Variants in AGBL1 observed in about 807,000 individuals in gnomAD.
AGBL1 encodes AGBL carboxypeptidase 1, also known as cytosolic carboxypeptidase 4.
Under a neutral mutation model 118.9 loss-of-function variants are expected in AGBL1, and 130 were observed. The observed-to-expected ratio is 1.09, with a 90% CI of 0.95 to 1.26. AGBL1 has a LOEUF of 1.26. Ranked by LOEUF, AGBL1 falls within the 50% of genes most tolerant of loss-of-function variation. The pLI, the probability that AGBL1 is intolerant of heterozygous loss-of-function variation, is 0.00. For synonymous variants in AGBL1, 555 were observed against 478.9 expected, an observed-to-expected ratio of 1.16 and a Z score of -2.08; for missense variants, 1,584 against 1,298.1, an observed-to-expected ratio of 1.22 and a Z score of -3.38.
At chr15:86,840,805 T>C (rs2079234560) in intron 22 of AGBL1, among the ~76,000 whole-genome samples, 1 of 152,124 alleles carries the variant, frequency 6.6e-6, no homozygotes, top group Non-Finnish European at 1.5e-5. Flanking sequence ...ATCTCTTGCT[T>C]CCTCTTTTCC....
At chr15:86,859,146 T>C (rs910224304) in intron 22 of AGBL1, among the ~76,000 whole-genome samples, 4 of 152,208 alleles carry the variant, frequency 2.6e-5, no homozygotes, top group South Asian at 4.1e-4. Context: ...AATTATTGCA[T>C]TGGAGAATGT....
chr15:87,012,846 A>G (rs1596740045), intron 24 of AGBL1, among the ~76,000 whole-genome samples: 1 of 152,210 alleles, frequency 6.6e-6, no homozygotes, highest in Non-Finnish European at 1.5e-5. Context: ...ACCTAGAGGG[A>G]GATGATTGCC....
At chr15:87,021,467 A>G (rs1413350181) in intron 24 of AGBL1, among the ~76,000 whole-genome samples, 1 of 151,634 alleles carries the variant, frequency 6.6e-6, no homozygotes, top group Non-Finnish European at 1.5e-5. Flanking sequence ...CACAAAAGCA[A>G]TTGCAACAGA....
intron 22 of AGBL1, among the ~76,000 whole-genome samples, chr15:86,795,451 A>G (rs2141338545): frequency 6.6e-6 from 1 of 151,766 alleles, no homozygotes. Flanking sequence ...GGGGAGCATG[A>G]CTCTGCAATT....
intron 21 of AGBL1, among the ~76,000 whole-genome samples, chr15:86,580,557 AT>A (rs1192868091): frequency 6.6e-6 from 1 of 151,902 alleles, no homozygotes; most frequent in Non-Finnish European, 1.5e-5. Flanking sequence ...TGGATCATTA[AT>A]TTTTTTCCTT....
intron 1 of AGBL1, among the ~76,000 whole-genome samples, chr15:86,120,018 C>T (rs547693293): frequency 6.6e-6 from 1 of 152,320 alleles, no homozygotes; most frequent in Admixed American, 6.5e-5. Context: ...ACTCATTCAT[C>T]TACTCATTCA....
chr15:86,515,589 G>T (rs1197660390), intron 18 of AGBL1, among the ~76,000 whole-genome samples: 3 of 152,040 alleles, frequency 2.0e-5, no homozygotes, highest in Admixed American at 2.0e-4. Flanking sequence ...TAAAATTTCA[G>T]ATTTTAAATA....
intron 5 of AGBL1, among the ~76,000 whole-genome samples, chr15:86,176,865 T>C (rs1306400222): frequency 6.6e-6 from 1 of 152,170 alleles, no homozygotes; most frequent in Non-Finnish European, 1.5e-5. Context: ...TGCAGGAGTC[T>C]GTGGGAATGT....
chr15:86,287,536 A>G (rs1205908111), intron 16 of AGBL1, among the ~76,000 whole-genome samples: 1 of 152,080 alleles, frequency 6.6e-6, no homozygotes, highest in East Asian at 1.9e-4. Context: ...TATATAAGGG[A>G]TCAATTCTCA....
intron 24 of AGBL1, among the ~76,000 whole-genome samples, chr15:87,028,200 T>C (rs924547076): frequency 2.6e-5 from 4 of 151,896 alleles, no homozygotes; most frequent in African/African-American, 9.7e-5. Context: ...TTCAATGCAG[T>C]AAGTTGTGAG....
chr15:86,783,282 T>C (rs2078359824), intron 22 of AGBL1, among the ~76,000 whole-genome samples: 1 of 152,242 alleles, frequency 6.6e-6, no homozygotes, highest in African/African-American at 2.4e-5. Context: ...TTCTGTTTTC[T>C]TTCTCATCTT....
chr15:86,245,479 T>TA (rs1175955718), intron 6 of AGBL1, among the ~76,000 whole-genome samples: 7 of 152,194 alleles, frequency 4.6e-5, no homozygotes, highest in African/African-American at 1.7e-4. Flanking sequence ...GCAATGTACC[T>TA]AGTCCCTAGG....
intron 23 of AGBL1, chr15:86,946,360 C>T (rs1190751646): frequency 5.9e-5 from 9 of 151,630 alleles, no homozygotes; most frequent in Non-Finnish European, 1.5e-5. Flanking sequence ...CTTCACTGAG[C>T]TTAAGGATAT....
intron 21 of AGBL1, among the ~76,000 whole-genome samples, chr15:86,653,984 TA>T (rs1047596428): frequency 6.6e-6 from 1 of 152,168 alleles, no homozygotes; most frequent in Non-Finnish European, 1.5e-5. Context: ...AGTAGTTTGA[TA>T]AAAAGCTTGC....
At chr15:86,128,191 C>T (rs981490880) in intron 1 of AGBL1, among the ~76,000 whole-genome samples, 2 of 151,980 alleles carry the variant, frequency 1.3e-5, no homozygotes, top group African/African-American at 4.8e-5. Context: ...CACAGTTCCA[C>T]ATGGCTGGGG....
At chr15:86,687,885 A>G (rs2086089424) in intron 22 of AGBL1, among the ~76,000 whole-genome samples, 1 of 152,150 alleles carries the variant, frequency 6.6e-6, no homozygotes, top group African/African-American at 2.4e-5. Flanking sequence ...CAGCCAGGTC[A>G]GTACAATCAC....
chr15:86,831,909 G>A lies in AGBL1; in HGVS notation c.3159-75178G>A, dbSNP rs2079109940. Among the ~76,000 whole-genome samples, 6 of 152,206 alleles carry A rather than the reference G, an allele frequency of 3.9e-5. No individual in the cohort carries two copies. The South Asian group carries it at 1.2e-3, about 31-fold the overall frequency. ...GATTCCACCCCTGTAGCACCCCTCT[G>A]CCTGGATATCCAGGTGTTTCCATAC... On this transcript the variant is annotated intron_variant, in intron 22 of 22. Coordinates refer to ENST00000614907, the MANE Select transcript of AGBL1 (RefSeq NM_001386094.1).
chr15:86,885,457 A>G (rs180882110), intron 22 of AGBL1, among the ~76,000 whole-genome samples: 61 of 152,288 alleles, frequency 4.0e-4, no homozygotes, highest in Non-Finnish European at 7.5e-4. Flanking sequence ...TTAAAATACC[A>G]TACGTTGATT....
downstream of AGBL1, among the ~76,000 whole-genome samples, chr15:87,029,580 C>T (rs2081766420): frequency 6.6e-6 from 1 of 151,882 alleles, no homozygotes; most frequent in Non-Finnish European, 1.5e-5. Context: ...ATTTTGTCCT[C>T]CTACAAACCC....
Sources: allele counts gnomAD v4.1 joint callset (sites outside exome capture counted in the v4.1 genomes callset), GRCh38; gene constraint gnomAD v4.1.1; transcripts MANE v1.5; gene names NCBI Gene and HGNC (gene_info 2026-07-23, HGNC 2026-07-21).